The following DCC variants were observed in gnomAD, a reference collection of about 807,000 sequenced individuals.
DCC encodes the protein DCC netrin 1 receptor, also known as netrin receptor DCC.
In DCC, 58 loss-of-function variants were observed where a neutral mutation model predicts 172.5. That is an observed-to-expected ratio of 0.34 (90% CI 0.27 to 0.42). The LOEUF is 0.42. Among genes scored for constraint, DCC ranks in the 10% least tolerant of loss-of-function variants. DCC has a pLI of 1.00. For synonymous variants in DCC, 709 were observed against 644.5 expected, an observed-to-expected ratio of 1.10 and a Z score of -1.52; for missense variants, 1,740 against 1,791.0, an observed-to-expected ratio of 0.97 and a Z score of 0.51.
At chr18:52,482,106 A>G (rs2029987482) in intron 1 of DCC, among the ~76,000 whole-genome samples, 1 of 151,916 alleles carries the variant, frequency 6.6e-6, no homozygotes, top group Non-Finnish European at 1.5e-5. Flanking sequence ...ACCCACCCAT[A>G]TGCAACGCTT....
chr18:52,978,928 T>C (rs1368766671), intron 5 of DCC, among the ~76,000 whole-genome samples: 1 of 152,232 alleles, frequency 6.6e-6, no homozygotes, highest in Non-Finnish European at 1.5e-5. Context: ...TTCTATGGTG[T>C]ATATGTACCA....
chr18:52,882,550 T>C (rs1452852328), intron 2 of DCC, among the ~76,000 whole-genome samples: 1 of 152,138 alleles, frequency 6.6e-6, no homozygotes, highest in East Asian at 1.9e-4. Context: ...ACTGTTTAAT[T>C]TCCATGTGTT....
At chr18:52,708,931 C>T (rs557178585) in intron 1 of DCC, among the ~76,000 whole-genome samples, 31 of 152,234 alleles carry the variant, frequency 2.0e-4, no homozygotes, top group African/African-American at 7.5e-4. Flanking sequence ...AGCTTAGTAC[C>T]AAAGATGATC....
intron 2 of DCC, among the ~76,000 whole-genome samples, chr18:52,763,077 G>C (rs553332049): frequency 1.3e-5 from 2 of 152,162 alleles, no homozygotes; most frequent in South Asian, 4.2e-4. Flanking sequence ...CATAAAATCT[G>C]CTTGTTGATT....
At chr18:52,866,953 G>T (rs937241417) in intron 2 of DCC, among the ~76,000 whole-genome samples, 1 of 152,134 alleles carries the variant, frequency 6.6e-6, no homozygotes, top group Admixed American at 6.5e-5. Context: ...TCCTTGTCTT[G>T]TGCCAGTTTT....
At chr18:52,749,113 T>C (rs1474935670) in intron 1 of DCC, among the ~76,000 whole-genome samples, 2 of 150,734 alleles carry the variant, frequency 1.3e-5, no homozygotes, top group Non-Finnish European at 3.0e-5. Flanking sequence ...GGCAGGAGAG[T>C]CACCTGAGGC....
chr18:52,886,376 A>G (rs545919583), intron 2 of DCC, among the ~76,000 whole-genome samples: 1 of 152,224 alleles, frequency 6.6e-6, no homozygotes, highest in African/African-American at 2.4e-5. Context: ...GGCTCGTCCA[A>G]ATTCTCTGTC....
intron 5 of DCC, among the ~76,000 whole-genome samples, chr18:53,005,761 A>G (rs968066722): frequency 1.3e-4 from 20 of 152,172 alleles, no homozygotes; most frequent in African/African-American, 4.6e-4. Context: ...ATCTTTACTT[A>G]ATGTGTGTTA....
intron 1 of DCC, among the ~76,000 whole-genome samples, chr18:52,507,558 C>A (rs888272468): frequency 1.3e-5 from 2 of 152,108 alleles, no homozygotes; most frequent in Non-Finnish European, 2.9e-5. Context: ...CTGTTCTTTG[C>A]CAAACTGTAC....
intron 2 of DCC, among the ~76,000 whole-genome samples, chr18:52,885,301 T>C (rs1157646925): frequency 6.6e-6 from 1 of 152,016 alleles, no homozygotes; most frequent in Non-Finnish European, 1.5e-5. Context: ...GAACCAGGGG[T>C]TGAAGTCAAA....
rs1983584405 is a variant in DCC at position 52,340,643 on chromosome 18, A to T, written c.-145A>T. On this transcript the variant is annotated 5_prime_UTR_variant, in exon 1 of 29. Coordinates refer to ENST00000442544, the MANE Select transcript of DCC (RefSeq NM_005215.4). ...AGCAGAGGCGCAGGGGAGGTGGAGAAAGAGGTGGAGGAAGAGGACGAGGAG... is the reference window on the plus strand; with the variant it reads ...AGCAGAGGCGCAGGGGAGGTGGAGATAGAGGTGGAGGAAGAGGACGAGGAG... The T allele has an allele frequency of 2.6e-6, 2 of 761,826 alleles. No homozygotes were observed. Among genetic ancestry groups the T allele is most frequent in the African/African-American group, 1.7e-5 (1 of 58,824 alleles). The allele number at this position is 761,826 out of a possible 1,614,324, so 47.2% of individuals were successfully genotyped here.
chr18:53,355,218 A>T (rs893906009), intron 15 of DCC, among the ~76,000 whole-genome samples: 21 of 152,174 alleles, frequency 1.4e-4, no homozygotes, highest in Admixed American at 1.4e-3. Context: ...TGATGCTTCC[A>T]GCTTTGTTCT....
chr18:53,459,775 A>G (rs2045528499), intron 24 of DCC, among the ~76,000 whole-genome samples: 1 of 152,146 alleles, frequency 6.6e-6, no homozygotes, highest in African/African-American at 2.4e-5. Context: ...GTTAATTGTT[A>G]AACAAATGTT....
chr18:53,394,147 T>C lies in DCC; in HGVS notation c.2688+2260T>C, dbSNP rs138718206. ...CAATAGGAAACAAACAAAATGTACATGGAGCCACATGACCTGGGCTCATGG... is the reference window on the plus strand; with the variant it reads ...CAATAGGAAACAAACAAAATGTACACGGAGCCACATGACCTGGGCTCATGG... On this transcript the variant is annotated intron_variant, in intron 17 of 28. Coordinates refer to ENST00000442544, the MANE Select transcript of DCC (RefSeq NM_005215.4). Among the ~76,000 whole-genome samples, 535 of 152,308 alleles carry C rather than the reference T, an allele frequency of 3.5e-3. 3 individuals are homozygous for C. Among genetic ancestry groups the C allele is most frequent in the African/African-American group, 0.012 (518 of 41,574 alleles).
intron 2 of DCC, among the ~76,000 whole-genome samples, chr18:52,876,056 G>A (rs1459227970): frequency 1.3e-5 from 2 of 151,994 alleles, no homozygotes; most frequent in African/African-American, 4.8e-5. Flanking sequence ...TGCTGATCTA[G>A]TATTTTGATG....
chr18:53,214,904 G>A (rs2055823076), intron 11 of DCC, among the ~76,000 whole-genome samples: 1 of 152,062 alleles, frequency 6.6e-6, no homozygotes, highest in Non-Finnish European at 1.5e-5. Flanking sequence ...AAATAAAAAT[G>A]TAGGCAAGAA....
At chr18:53,156,753 A>G (rs1459611086) in intron 7 of DCC, among the ~76,000 whole-genome samples, 2 of 152,182 alleles carry the variant, frequency 1.3e-5, no homozygotes, top group Non-Finnish European at 2.9e-5. Context: ...TATATTTAGT[A>G]TATCTTGAGT....
intron 1 of DCC, among the ~76,000 whole-genome samples, chr18:52,478,976 C>G (rs1260790992): frequency 2.0e-5 from 3 of 152,142 alleles, no homozygotes; most frequent in African/African-American, 7.2e-5. Context: ...AATGGCTCTG[C>G]TGGCATGGGA....
At chr18:52,595,051 A>T (rs1010640521) in intron 1 of DCC, among the ~76,000 whole-genome samples, 1 of 152,178 alleles carries the variant, frequency 6.6e-6, no homozygotes, top group Non-Finnish European at 1.5e-5. Context: ...TACTGTAAAG[A>T]CTTTAGCTAT....
Sources: allele counts gnomAD v4.1 joint callset (sites outside exome capture counted in the v4.1 genomes callset), GRCh38; gene constraint gnomAD v4.1.1; transcripts MANE v1.5; gene names NCBI Gene and HGNC (gene_info 2026-07-23, HGNC 2026-07-21).